NRIP1: variants seen among roughly 807,000 people sequenced by gnomAD.
The protein encoded by NRIP1 is nuclear receptor interacting protein 1, also known as nuclear receptor-interacting protein 1.
NRIP1 carries 28 observed loss-of-function variants against 75.0 expected under a neutral mutation model. The ratio of observed to expected loss-of-function variants is 0.37; its 90% CI spans 0.28 to 0.51. NRIP1 has a LOEUF of 0.51. Ranked by LOEUF, NRIP1 falls within the 20% of genes least tolerant of loss-of-function variation. The pLI, the probability that NRIP1 is intolerant of heterozygous loss-of-function variation, is 0.92. For missense variants in NRIP1, 1,435 were observed against 1,343.7 expected (o/e 1.07, Z -1.06); for synonymous variants, 526 against 487.6 (o/e 1.08, Z -1.04).
intron 3 of NRIP1, among the ~76,000 whole-genome samples, chr21:15,007,795 G>C (rs933716585): frequency 6.6e-6 from 1 of 152,102 alleles, no homozygotes; most frequent in Non-Finnish European, 1.5e-5. Context: ...CTTGAGTCCC[G>C]ACTACGTTTA....
rs528882886 is a variant in NRIP1, at chr21:15,040,670, C to T, written c.-458+2825G>A. On this transcript the variant is annotated intron_variant, in intron 2 of 3. Coordinates refer to ENST00000318948, the MANE Select transcript of NRIP1 (RefSeq NM_003489.4). ...ATCCACTTTCAGTATTTCAATCATACGATCATAAGTACATAGAGGAGGATA... is the reference window on the plus strand; with the variant it reads ...ATCCACTTTCAGTATTTCAATCATATGATCATAAGTACATAGAGGAGGATA... 1.2e-4 allele frequency among the ~76,000 whole-genome samples: 19 copies of T among 152,050 alleles called. No homozygotes were observed. The East Asian group carries it at 1.9e-3, about 15-fold the overall frequency.
chr21:15,053,188 T>C (rs1396528863), intron 1 of NRIP1, among the ~76,000 whole-genome samples: 3 of 152,156 alleles, frequency 2.0e-5, no homozygotes, highest in African/African-American at 7.2e-5. Context: ...ATGAATAATC[T>C]CAATGAGATA....
At position 14,965,183 on chromosome 21, in the gene NRIP1, C is replaced by T. The variant is rs1269608993; in HGVS notation, c.3010G>A (p.Gly1004Ser). Reference protein sequence around the residue: ...CMDNRTFSYPGVVKTPVSPTF... With the variant: ...CMDNRTFSYPSVVKTPVSPTF... ...GGACTCACAGGAGTTTTTACTACAC[C>T]TGGGTATGAAAATGTCCTGTTATCC... The change falls in exon 4 of 4, where the codon GGT becomes AGT. Residue 1004 changes from glycine to serine, a missense_variant. Gly to Ser is a moderately conservative substitution (Grantham distance 56). Coordinates refer to ENST00000318948, the MANE Select transcript of NRIP1 (RefSeq NM_003489.4). The T allele has an allele frequency of 1.9e-6, 3 of 1,613,528 alleles. No homozygotes were observed. Among genetic ancestry groups the T allele is most frequent in the Non-Finnish European group, 2.5e-6 (3 of 1,179,920 alleles).
chr21:14,987,510 G>T (rs1475570), intron 3 of NRIP1, among the ~76,000 whole-genome samples: 150,680 of 152,290 alleles, frequency 0.99, 74,543 homozygotes, highest in Middle Eastern at 1. Context: ...ATAAGATAGT[G>T]AAAACCCATT....
intron 1 of NRIP1, among the ~76,000 whole-genome samples, chr21:15,045,405 T>C (rs1258018748): frequency 6.6e-6 from 1 of 152,222 alleles, no homozygotes; most frequent in Non-Finnish European, 1.5e-5. Flanking sequence ...ATGTTTACAC[T>C]GTACTATAGT....
At chr21:14,977,536 T>C (rs2087106746) in intron 3 of NRIP1, among the ~76,000 whole-genome samples, 1 of 151,912 alleles carries the variant, frequency 6.6e-6, no homozygotes, top group South Asian at 2.1e-4. Context: ...GGTCCCGAAG[T>C]TTCATTTAAG....
chr21:14,991,660 G>GT (rs1444105829), intron 3 of NRIP1, among the ~76,000 whole-genome samples: 1 of 151,892 alleles, frequency 6.6e-6, no homozygotes, highest in Non-Finnish European at 1.5e-5. Flanking sequence ...TTGCCATTGA[G>GT]TTTTAGAGAA....
chr21:15,045,545 C>T (rs1207436556), intron 1 of NRIP1, among the ~76,000 whole-genome samples: 5 of 152,204 alleles, frequency 3.3e-5, no homozygotes, highest in African/African-American at 9.7e-5. Flanking sequence ...GGGCACCTTG[C>T]CTCCATATTG....
intron 2 of NRIP1, 61 bp from the exon 3 acceptor site, chr21:15,014,527 T>G: frequency 2.5e-6 from 1 of 398,304 alleles, no homozygotes; most frequent in East Asian, 3.6e-5. Flanking sequence ...GAATACCTTT[T>G]GATCAAGTTC....
At chr21:15,014,827 TA>T (rs56153791) in intron 2 of NRIP1, among the ~76,000 whole-genome samples, 46,857 of 144,342 alleles carry the variant, frequency 0.32, 7,245 homozygotes, top group Middle Eastern at 0.39. Flanking sequence ...GTGTATTTCT[TA>T]AAAAAAAAAA....
intron 3 of NRIP1, among the ~76,000 whole-genome samples, chr21:14,986,095 G>A (rs946699859): frequency 1.3e-5 from 2 of 152,062 alleles, no homozygotes; most frequent in African/African-American, 4.8e-5. Flanking sequence ...ATAATTATAT[G>A]CCAAAGAATT....
chr21:15,006,116 C>T (rs112407183), intron 3 of NRIP1, among the ~76,000 whole-genome samples: 133 of 151,918 alleles, frequency 8.8e-4, no homozygotes, highest in African/African-American at 3.2e-3. Flanking sequence ...AGGAAAATTA[C>T]ATTATAGCAT....
chr21:14,971,939 GA>G (rs930648795), intron 3 of NRIP1, among the ~76,000 whole-genome samples: 35 of 152,004 alleles, frequency 2.3e-4, no homozygotes, highest in African/African-American at 7.5e-4. Context: ...TAATTTCTTT[GA>G]AAAAAATCCT....
intron 3 of NRIP1, among the ~76,000 whole-genome samples, chr21:14,975,292 G>A (rs73170289): frequency 0.046 from 6,960 of 151,944 alleles, 481 homozygotes; most frequent in African/African-American, 0.15. Context: ...AAATATCTTC[G>A]TTTGTCAACT....
intron 1 of NRIP1, among the ~76,000 whole-genome samples, chr21:15,043,937 G>C (rs2089014379): frequency 6.6e-6 from 1 of 152,120 alleles, no homozygotes; most frequent in Admixed American, 6.6e-5. Flanking sequence ...TCCCACCTCA[G>C]TCTCCCAAGT....
In NRIP1 at chr21:14,997,706, T is replaced by A. The variant is rs528624746; in HGVS notation, c.-335+16638A>T. Among the ~76,000 whole-genome samples the A allele has an allele frequency of 1.5e-3, 222 of 148,724 alleles. 1 individual carries two copies. The highest frequency in any genetic ancestry group is 4.9e-3 in the African/African-American group (200 of 40,954). ...CCTTGAATATATATGAAAAAATATATTTTTATATTTATATATATACACATA... is the reference window on the plus strand; with the variant it reads ...CCTTGAATATATATGAAAAAATATAATTTTATATTTATATATATACACATA... On this transcript the variant is annotated intron_variant, in intron 3 of 3. Coordinates refer to ENST00000318948, the MANE Select transcript of NRIP1 (RefSeq NM_003489.4).
In NRIP1 at chr21:14,962,621, G is replaced by A. The variant is rs2086621270; in HGVS notation, c.*2095C>T. ...ACTTGTTTAAAAGCTTATTTATATA[G>A]TGTTGACAATAAGATTGTCATAGTA... On this transcript the variant is annotated 3_prime_UTR_variant, in exon 4 of 4. Transcript: ENST00000318948. The A allele has an allele frequency of 6.6e-6, 1 of 152,354 alleles. No homozygotes were observed. Among genetic ancestry groups the A allele is most frequent in the African/African-American group, 2.4e-5 (1 of 41,394 alleles). The allele number at this position is 152,354 out of a possible 1,614,324, so 9.4% of individuals were successfully genotyped here. A position where few individuals can be genotyped will look rare whatever the true frequency, so the allele number is the denominator to read the frequency against.
At chr21:14,999,205 G>A (rs2087797844) in intron 3 of NRIP1, among the ~76,000 whole-genome samples, 1 of 152,088 alleles carries the variant, frequency 6.6e-6, no homozygotes, top group Non-Finnish European at 1.5e-5. Context: ...TTGAACTCCT[G>A]GGCTCAAGCA....
chr21:14,982,039 C>T (rs547863159), intron 3 of NRIP1, among the ~76,000 whole-genome samples: 14 of 152,016 alleles, frequency 9.2e-5, no homozygotes, highest in South Asian at 2.1e-4. Context: ...TTTGTAGGGA[C>T]GGGTTTTACC....
Sources: gnomAD v4.1 joint callset for allele counts (sites outside exome capture counted in the v4.1 genomes callset) on GRCh38, gnomAD v4.1.1 for gene constraint, MANE v1.5 for transcripts, NCBI Gene and HGNC (gene_info 2026-07-23, HGNC 2026-07-21) for gene names.